The following AP3B1 variants were observed in gnomAD, a reference collection of about 807,000 sequenced individuals.
The protein encoded by AP3B1 is adaptor related protein complex 3 subunit beta 1.
A neutral mutation model predicts 132.5 loss-of-function variants in AP3B1; 61 were observed. The ratio of observed to expected loss-of-function variants is 0.46; its 90% CI spans 0.37 to 0.57. The LOEUF is 0.57. Ranked by LOEUF, AP3B1 falls within the 20% of genes least tolerant of loss-of-function variation. AP3B1 has a pLI of 0.00. For synonymous variants in AP3B1, 388 were observed against 438.3 expected (o/e 0.89, Z 1.43); for missense variants, 1,120 against 1,289.4 (o/e 0.87, Z 2.01).
chr5:78,041,461 A>G (rs1380823273), intron 22 of AP3B1, among the ~76,000 whole-genome samples: 1 of 151,722 alleles, frequency 6.6e-6, no homozygotes, highest in African/African-American at 2.4e-5. Context: ...CAGGAGGCTG[A>G]GGTGGGAGGA....
intron 26 of AP3B1, among the ~76,000 whole-genome samples, chr5:78,012,478 G>T (rs915740914): frequency 6.6e-6 from 1 of 152,110 alleles, no homozygotes; most frequent in Non-Finnish European, 1.5e-5. Flanking sequence ...ATAACTTTAG[G>T]TGTTTGTTAC....
intron 11 of AP3B1, among the ~76,000 whole-genome samples, chr5:78,173,119 TGA>T (rs1345651549): frequency 6.6e-6 from 1 of 151,992 alleles, no homozygotes; most frequent in Non-Finnish European, 1.5e-5. Context: ...CACTGTGCTG[TGA>T]GAGTTTGTTG....
intron 2 of AP3B1, among the ~76,000 whole-genome samples, chr5:78,248,031 A>G (rs940570510): frequency 4.6e-5 from 7 of 152,224 alleles, no homozygotes; most frequent in Non-Finnish European, 1.0e-4. Flanking sequence ...GGCATAATCT[A>G]TAGCAATAGC....
At chr5:78,171,527 GCTTT>G (rs1030286328) in intron 11 of AP3B1, among the ~76,000 whole-genome samples, 3 of 151,980 alleles carry the variant, frequency 2.0e-5, no homozygotes, top group African/African-American at 7.3e-5. Flanking sequence ...CATTAATTTG[GCTTT>G]CTGTTTGTCT....
chr5:78,240,300 T>C (rs907624505), intron 3 of AP3B1, among the ~76,000 whole-genome samples: 9 of 152,350 alleles, frequency 5.9e-5, no homozygotes, highest in African/African-American at 2.2e-4. Context: ...AATTTATCAA[T>C]TAACCAGGGT....
chr5:78,040,756 A>G (rs951830844), intron 22 of AP3B1, among the ~76,000 whole-genome samples: 2 of 152,190 alleles, frequency 1.3e-5, no homozygotes, highest in African/African-American at 4.8e-5. Flanking sequence ...TAGATTCTCT[A>G]TTATAGTTCT....
rs1340696750 is a variant in AP3B1 at position 78,240,946 on chromosome 5, A to T, written c.205-10T>A. ...TCCCTTTTGCAATCATCTGAAGAATAAACAAAACAGACAATATGGGAAATT... is the reference window on the plus strand; with the variant it reads ...TCCCTTTTGCAATCATCTGAAGAATTAACAAAACAGACAATATGGGAAATT... On this transcript the variant is annotated splice_polypyrimidine_tract_variant and intron_variant, in intron 2 of 26. Coordinates refer to ENST00000255194, the MANE Select transcript of AP3B1 (RefSeq NM_003664.5). The T allele has an allele frequency of 2.5e-6, 4 of 1,591,602 alleles. No individual in the cohort carries two copies. The highest frequency in any genetic ancestry group is 3.3e-5 in the Admixed American group (2 of 59,962).
At chr5:78,285,076 T>C (rs1480610687) in intron 1 of AP3B1, among the ~76,000 whole-genome samples, 1 of 151,900 alleles carries the variant, frequency 6.6e-6, no homozygotes, top group Non-Finnish European at 1.5e-5. Context: ...TGAAACCCCG[T>C]CTCTACTAAA....
intron 24 of AP3B1, among the ~76,000 whole-genome samples, chr5:78,028,021 G>C (rs947937896): frequency 6.6e-6 from 1 of 152,082 alleles, no homozygotes; most frequent in Admixed American, 6.5e-5. Context: ...AGCTACTTGG[G>C]AAGCTAAGGA....
chr5:78,142,237 T>C (rs1371799319), intron 14 of AP3B1, among the ~76,000 whole-genome samples: 1 of 152,242 alleles, frequency 6.6e-6, no homozygotes, highest in African/African-American at 2.4e-5. Context: ...AAACCTTCCA[T>C]CAGTACCATT....
chr5:78,157,269 T>C (rs1435594145), intron 13 of AP3B1, among the ~76,000 whole-genome samples: 2 of 152,224 alleles, frequency 1.3e-5, no homozygotes, highest in Non-Finnish European at 2.9e-5. Flanking sequence ...CCACTGTTGA[T>C]AGCCTGTTAG....
intron 19 of AP3B1, among the ~76,000 whole-genome samples, chr5:78,112,599 T>C (rs2112257639): frequency 6.6e-6 from 1 of 152,334 alleles, no homozygotes; most frequent in East Asian, 1.9e-4. Context: ...CGTATCATCA[T>C]AGACATGCTG....
At chr5:78,136,793 T>C (rs1362372674) in intron 15 of AP3B1, among the ~76,000 whole-genome samples, 1 of 152,214 alleles carries the variant, frequency 6.6e-6, no homozygotes, top group Non-Finnish European at 1.5e-5. Context: ...CTAACTGCAT[T>C]TTTCTAATAA....
At chr5:78,213,171 G>A (rs568242893) in intron 7 of AP3B1, among the ~76,000 whole-genome samples, 2 of 152,092 alleles carry the variant, frequency 1.3e-5, no homozygotes, top group African/African-American at 4.8e-5. Flanking sequence ...GAGCCACCGC[G>A]CCCGGCCTCG....
Position 78,181,581 on chromosome 5 carries a change from GCTT to G in AP3B1, c.865_867del (p.Lys289del), listed in dbSNP as rs1476422944. 2.5e-6 allele frequency: 4 copies of G among 1,612,376 alleles called. No homozygotes were observed. Among genetic ancestry groups the G allele is most frequent in the Admixed American group, 1.7e-5 (1 of 59,912 alleles). On this transcript the variant is annotated inframe_deletion, in exon 8 of 27. Transcript: ENST00000255194. ...CTATGATCTGGATCCATAGTATACGGCTTCTTCTTTTTGTCAGTCTTTTCCTTC... is the reference window on the plus strand; with the variant it reads ...CTATGATCTGGATCCATAGTATACGGCTTCTTTTTGTCAGTCTTTTCCTTC...
chr5:78,006,209 A>G (rs1746387284), intron 26 of AP3B1, among the ~76,000 whole-genome samples: 1 of 152,220 alleles, frequency 6.6e-6, no homozygotes, highest in South Asian at 2.1e-4. Flanking sequence ...GAGAAGTTGA[A>G]GAACTTCCTC....
At chr5:78,129,330 G>A in intron 15 of AP3B1, 23 bp from the exon 16 acceptor site, 1 of 1,547,960 alleles carries the variant, frequency 6.5e-7, no homozygotes, top group Middle Eastern at 1.7e-4. Flanking sequence ...AACAGATCAA[G>A]ATGAGAATAC....
chr5:78,026,732 T>C (rs1189917184), intron 24 of AP3B1, among the ~76,000 whole-genome samples: 3 of 152,204 alleles, frequency 2.0e-5, no homozygotes, highest in Non-Finnish European at 4.4e-5. Flanking sequence ...ATATTGCCAA[T>C]TTAAGATCCC....
chr5:78,076,621 TG>T (rs1274883597), intron 22 of AP3B1, among the ~76,000 whole-genome samples: 1 of 152,124 alleles, frequency 6.6e-6, no homozygotes, highest in Non-Finnish European at 1.5e-5. Flanking sequence ...ATTAGAGGGT[TG>T]GGGCGTTGAG....
Sources: gnomAD v4.1 joint callset for allele counts (sites outside exome capture counted in the v4.1 genomes callset) on GRCh38, gnomAD v4.1.1 for gene constraint, MANE v1.5 for transcripts, NCBI Gene and HGNC (gene_info 2026-07-23, HGNC 2026-07-21) for gene names.